The following DHRS3 variants were observed in gnomAD, a reference collection of about 807,000 sequenced individuals.
DHRS3 encodes short-chain dehydrogenase/reductase 3.
In DHRS3, 14 loss-of-function variants were observed where a neutral mutation model predicts 27.2. The observed-to-expected ratio is 0.52, with a 90% CI of 0.34 to 0.81. DHRS3 has a LOEUF of 0.81. DHRS3 is among the 30% of genes least tolerant of loss of function. The pLI is 0.01. For synonymous variants in DHRS3, 165 were observed against 175.9 expected (o/e 0.94, Z 0.49); for missense variants, 322 against 406.2 (o/e 0.79, Z 1.78).
chr1:12,596,666 A>G (rs1276269436), intron 1 of DHRS3, among the ~76,000 whole-genome samples: 1 of 152,108 alleles, frequency 6.6e-6, no homozygotes, highest in African/African-American at 2.4e-5. Context: ...TCTGCTCTGG[A>G]GTTGATTTGC....
In DHRS3 at chr1:12,572,742, G is replaced by T; in HGVS notation, c.810C>A (p.Leu270=). ...LLLLPWTMHA[L]VILKSILPQA... ...CAGCCCCATACCTTTTCAAGATAAC[G>T]AGGGCATGCATTGTCCATGGGAGGA... The change falls in exon 5 of 6, where the codon CTC becomes CTA. Residue 270 remains leucine (L), a synonymous_variant. Coordinates refer to ENST00000616661, the MANE Select transcript of DHRS3 (RefSeq NM_004753.7). 1 of 1,606,282 alleles carries T rather than the reference G, an allele frequency of 6.2e-7. No individual in the cohort carries two copies.
At position 12,594,191 on chromosome 1, in the gene DHRS3, A is replaced by C. The variant is rs1302921320; in HGVS notation, c.196-13525T>G. ...GGTGGGATTCAAATTTGGACAGTCT[A>C]AGTAACTCATGCAGGCTGCACTACT... On this transcript the variant is annotated intron_variant, in intron 1 of 5. Transcript: ENST00000616661. The surrounding 1 kb of genome is among the most constrained non-coding windows in gnomAD (Gnocchi z 4.1). 6.6e-6 allele frequency among the ~76,000 whole-genome samples: 1 copy of C among 152,182 alleles called. No individual in the cohort carries two copies. The highest frequency in any genetic ancestry group is 6.5e-5 in the Admixed American group (1 of 15,280).
intron 1 of DHRS3, among the ~76,000 whole-genome samples, chr1:12,609,932 G>A (rs903142524): frequency 2.2e-4 from 33 of 151,920 alleles, no homozygotes; most frequent in Admixed American, 1.4e-3. Flanking sequence ...CCATGCCCTC[G>A]CCTCCTTCAG....
chr1:12,576,127 C>G (rs1434816261), intron 4 of DHRS3, among the ~76,000 whole-genome samples: 1 of 152,158 alleles, frequency 6.6e-6, no homozygotes, highest in East Asian at 1.9e-4. Context: ...TGGGTTCACG[C>G]TCTGAAAAAA....
At position 12,586,858 on chromosome 1, in the gene DHRS3, C is replaced by T. The variant is rs1162887589; in HGVS notation, c.196-6192G>A. Among the ~76,000 whole-genome samples the T allele has an allele frequency of 6.6e-6, 1 of 152,070 alleles. No homozygotes were observed. Among genetic ancestry groups the T allele is most frequent in the African/African-American group, 2.4e-5 (1 of 41,394 alleles). The stretch of plus-strand genomic sequence containing the variant: ...AGCACATCTCCTCTCTTCAAGGGGT[C>T]CTGTGGGGATTAAGCTGGCAGAAGC... On this transcript the variant is annotated intron_variant, in intron 1 of 5. Transcript: ENST00000616661. This position sits in a 1 kb window ranked among gnomAD's most constrained non-coding sequence, Gnocchi z 5.0.
At chr1:12,616,608 G>C in intron 1 of DHRS3, 1 of 986,460 alleles carries the variant, frequency 1.0e-6, no homozygotes, top group Non-Finnish European at 1.2e-6. Flanking sequence ...TCTCAGTGTC[G>C]GTCCGGCCAG....
At chr1:12,571,829 C>T (rs12565247) in intron 5 of DHRS3, among the ~76,000 whole-genome samples, 10,269 of 151,958 alleles carry the variant, frequency 0.068, 521 homozygotes, top group East Asian at 0.19. Flanking sequence ...CCACCGTGCC[C>T]GGCCACATTG....
chr1:12,614,634 C>T (rs1411195082), intron 1 of DHRS3, among the ~76,000 whole-genome samples: 2 of 151,538 alleles, frequency 1.3e-5, no homozygotes, highest in Admixed American at 6.6e-5. Flanking sequence ...GTTGTCAACT[C>T]TCTCCCTCCT....
At chr1:12,612,620 T>C (rs12044197) in intron 1 of DHRS3, among the ~76,000 whole-genome samples, 63,533 of 152,028 alleles carry the variant, frequency 0.42, 13,381 homozygotes, top group East Asian at 0.54. Flanking sequence ...GTGTAGCATC[T>C]CCCAAACTTC....
At chr1:12,600,509 G>T in intron 1 of DHRS3, 1 of 506,496 alleles carries the variant, frequency 2.0e-6, no homozygotes, top group Non-Finnish European at 2.6e-6. Context: ...CAGACGCCAT[G>T]TGGGTGTGTC....
rs1402817915 is a variant in DHRS3, at chr1:12,617,520, G to GGA, written c.-173_-172insTC. 1.5e-5 allele frequency: 2 copies of GGA among 131,854 alleles called. No homozygotes were observed. Among genetic ancestry groups the GGA allele is most frequent in the Non-Finnish European group, 2.8e-5 (2 of 71,364 alleles). 8.2% of individuals were successfully genotyped at this position (131,854 alleles called of 1,614,324 possible). ...AATGCAAAGCACCGGGTGAGAAAAA[G>GGA]AAAAAAAAAAAAAAAAAAAAGATAA... On this transcript the variant is annotated 5_prime_UTR_variant, in exon 1 of 6. Transcript: ENST00000616661.
In DHRS3 at chr1:12,617,655, C is replaced by G. The variant is rs1317018718; in HGVS notation, c.-307G>C. The G allele has an allele frequency of 2.0e-5, 5 of 254,174 alleles. No homozygotes were observed. In the Admixed American group the frequency reaches 2.2e-4, roughly 11 times the overall value. 15.7% of individuals were successfully genotyped at this position (254,174 alleles called of 1,614,324 possible). A position where few individuals can be genotyped will look rare whatever the true frequency, so the allele number is the denominator to read the frequency against. ...ACAAGAAGTTTCTTGCCCCAGCAGC[C>G]GTTTCGGCTGGGGAATTCTCAGGTA... On this transcript the variant is annotated 5_prime_UTR_variant, in exon 1 of 6. Transcript: ENST00000616661.
At chr1:12,612,817 G>A (rs773101591) in intron 1 of DHRS3, among the ~76,000 whole-genome samples, 1 of 152,068 alleles carries the variant, frequency 6.6e-6, no homozygotes, top group Admixed American at 6.6e-5. Flanking sequence ...CGAGCACTTC[G>A]GGAGGCTGAG....
intron 1 of DHRS3, among the ~76,000 whole-genome samples, chr1:12,614,133 G>A (rs1231670202): frequency 6.6e-6 from 1 of 152,142 alleles, no homozygotes; most frequent in African/African-American, 2.4e-5. Context: ...CCCAAGGTTT[G>A]CAATCATGGC....
Position 12,580,600 on chromosome 1 carries a change from T to C in DHRS3, c.262A>G (p.Thr88Ala), listed in dbSNP as rs777938819. ...TCACAGATGAAGTAATGGCACTCAG[T>C]GCCCATCTGCCGGATCTCCTCCGTC... Reference protein sequence around the residue: ...ETTEEIRQMGTECHYFICDVG... With the variant: ...ETTEEIRQMGAECHYFICDVG... Residue 88 changes from threonine (T) to alanine (A), a missense_variant, in exon 2 of 6, where the codon ACT becomes GCT. Thr to Ala is a moderately conservative substitution (Grantham distance 58). Transcript: ENST00000616661. 54 of 1,614,020 alleles carry C rather than the reference T, an allele frequency of 3.3e-5. 1 individual carries two copies. The South Asian group carries it at 5.8e-4, about 17-fold the overall frequency.
Position 12,586,224 on chromosome 1 carries a change from T to C in DHRS3, c.196-5558A>G, listed in dbSNP as rs1646696044. Among the ~76,000 whole-genome samples, 1 of 152,204 alleles carries C rather than the reference T, an allele frequency of 6.6e-6. No homozygotes were observed. The highest frequency in any genetic ancestry group is 2.4e-5 in the African/African-American group (1 of 41,444). Reference sequence around the variant, plus strand: ...AGGCTGTCATTATCCGTGGTCACAGTGGAGAAAACCGTAGCTCAAAGGAGT... The same window carrying C: ...AGGCTGTCATTATCCGTGGTCACAGCGGAGAAAACCGTAGCTCAAAGGAGT... On this transcript the variant is annotated intron_variant, in intron 1 of 5. Transcript: ENST00000616661. The surrounding 1 kb of genome is among the most constrained non-coding windows in gnomAD (Gnocchi z 5.0).
At position 12,580,808 on chromosome 1, in the gene DHRS3, A is replaced by G; in HGVS notation, c.196-142T>C. On this transcript the variant is annotated intron_variant, in intron 1 of 5. Coordinates refer to ENST00000616661, the MANE Select transcript of DHRS3 (RefSeq NM_004753.7). ...GTTCCACCCAAAGATAAAGAATACA[A>G]CATAGATTAATAATATAACTTTTGT... 3 of 967,138 alleles carry G rather than the reference A, an allele frequency of 3.1e-6. No individual in the cohort carries two copies. The South Asian group carries it at 5.2e-5, about 17-fold the overall frequency. The allele number at this position is 967,138 out of a possible 1,614,324, so 59.9% of individuals were successfully genotyped here.
In DHRS3 at chr1:12,593,880, G is replaced by T. The variant is rs991525934; in HGVS notation, c.196-13214C>A. ...TGCTCACTCCCAGCCAGAAACCCAC[G>T]GGCTGATGTTTCTTTTCACAAACAT... On this transcript the variant is annotated intron_variant, in intron 1 of 5. Transcript: ENST00000616661. This position sits in a 1 kb window ranked among gnomAD's most constrained non-coding sequence, Gnocchi z 4.6. Among the ~76,000 whole-genome samples the T allele has an allele frequency of 6.6e-6, 1 of 152,152 alleles. No individual in the cohort carries two copies. The highest frequency in any genetic ancestry group is 6.5e-5 in the Admixed American group (1 of 15,270).
chr1:12,596,131 T>A (rs1267008596), intron 1 of DHRS3: 2 of 152,202 alleles, frequency 1.3e-5, no homozygotes, highest in Non-Finnish European at 2.9e-5. Flanking sequence ...CCACCAGACA[T>A]TGCAACACGC....
Sources: allele counts gnomAD v4.1 joint callset (sites outside exome capture counted in the v4.1 genomes callset), GRCh38; gene constraint gnomAD v4.1.1; non-coding constraint Gnocchi (gnomAD v3.1); transcripts MANE v1.5; gene names NCBI Gene and HGNC (gene_info 2026-07-23, HGNC 2026-07-21).